The following SMOC2 variants were observed in gnomAD, a reference collection of about 807,000 sequenced individuals.
SMOC2 encodes SPARC-related modular calcium-binding protein 2.
In SMOC2, 39 loss-of-function variants were observed where a neutral mutation model predicts 61.4. The ratio of observed to expected loss-of-function variants is 0.64; its 90% CI spans 0.49 to 0.83. SMOC2 has a LOEUF of 0.83. Among genes scored for constraint, SMOC2 ranks in the 40% least tolerant of loss-of-function variants. SMOC2 has a pLI of 0.00. For synonymous variants in SMOC2, 247 were observed against 239.9 expected, an observed-to-expected ratio of 1.03 and a Z score of -0.27; for missense variants, 556 against 592.9, an observed-to-expected ratio of 0.94 and a Z score of 0.65.
chr6:168,559,626 T>C (rs879903493), intron 7 of SMOC2, among the ~76,000 whole-genome samples: 50 of 152,280 alleles, frequency 3.3e-4, no homozygotes, highest in Non-Finnish European at 6.3e-4. Context: ...ATGACTCATG[T>C]AGTTGCACTA....
At chr6:168,616,130 T>TTC (rs1458132950) in intron 9 of SMOC2, among the ~76,000 whole-genome samples, 1 of 152,184 alleles carries the variant, frequency 6.6e-6, no homozygotes, top group Non-Finnish European at 1.5e-5. Flanking sequence ...GGTGTCAATA[T>TTC]TCTGCCCACT....
At chr6:168,469,306 C>T (rs956007543) in intron 1 of SMOC2, among the ~76,000 whole-genome samples, 4 of 152,214 alleles carry the variant, frequency 2.6e-5, no homozygotes, top group African/African-American at 9.6e-5. Flanking sequence ...CCTGGAGGGT[C>T]TCAGATTCTT....
rs73242440 is a variant in SMOC2, at chr6:168,620,374, A to G, written c.907+12135A>G. On this transcript the variant is annotated intron_variant, in intron 9 of 12. Coordinates refer to ENST00000356284, the MANE Select transcript of SMOC2 (RefSeq NM_001166412.2). ...CCTGTTGCATAGGTGGTGCTTGCCA[A>G]TGTTCTGGGAGATGCAAGTCAATAG... Among the ~76,000 whole-genome samples the G allele has an allele frequency of 2.2e-3, 335 of 152,158 alleles. 1 individual carries two copies. The highest frequency in any genetic ancestry group is 7.4e-3 in the African/African-American group (305 of 41,454).
chr6:168,618,617 C>A (rs118064153), intron 9 of SMOC2, among the ~76,000 whole-genome samples: 3,678 of 151,970 alleles, frequency 0.024, 285 homozygotes, highest in Admixed American at 0.16. Flanking sequence ...CAGGTAGTGG[C>A]ATTAAGAGGC....
chr6:168,610,859 T>C (rs6926392), intron 9 of SMOC2, among the ~76,000 whole-genome samples: 110,302 of 152,094 alleles, frequency 0.73, 40,099 homozygotes, highest in Admixed American at 0.79. Context: ...TCTTTCATTG[T>C]GTAGGTTTCC....
intron 4 of SMOC2, among the ~76,000 whole-genome samples, chr6:168,537,007 G>T (rs1783747076): frequency 6.6e-6 from 1 of 152,230 alleles, no homozygotes; most frequent in South Asian, 2.1e-4. Context: ...GAAAATGAAG[G>T]TGGCAGCTCT....
chr6:168,462,955 A>G (rs191491173), intron 1 of SMOC2, among the ~76,000 whole-genome samples: 1 of 152,312 alleles, frequency 6.6e-6, no homozygotes, highest in Non-Finnish European at 1.5e-5. Flanking sequence ...AATGACCTCT[A>G]TAAATGTTGG....
At chr6:168,488,228 T>G (rs1782381357) in intron 1 of SMOC2, among the ~76,000 whole-genome samples, 2 of 152,242 alleles carry the variant, frequency 1.3e-5, no homozygotes, top group African/African-American at 4.8e-5. Context: ...CCGGCACTCC[T>G]TGGCATTCCT....
At chr6:168,549,625 G>T (rs1784085024) in intron 7 of SMOC2, among the ~76,000 whole-genome samples, 1 of 152,154 alleles carries the variant, frequency 6.6e-6, no homozygotes, top group African/African-American at 2.4e-5. Flanking sequence ...GGCTGGCCTT[G>T]CTGTGACAGA....
At chr6:168,495,369 G>A (rs1562555327) in intron 1 of SMOC2, among the ~76,000 whole-genome samples, 1 of 152,242 alleles carries the variant, frequency 6.6e-6, no homozygotes, top group Non-Finnish European at 1.5e-5. Flanking sequence ...CAGCCAGGGT[G>A]ACCTTGTCCG....
At chr6:168,480,681 A>C (rs1039376310) in intron 1 of SMOC2, among the ~76,000 whole-genome samples, 4 of 152,170 alleles carry the variant, frequency 2.6e-5, no homozygotes, top group African/African-American at 9.7e-5. Context: ...AGTAGAAGTG[A>C]AAGAGTAAGA....
chr6:168,603,282 T>G (rs1206297238), intron 8 of SMOC2, among the ~76,000 whole-genome samples: 1 of 130,866 alleles, frequency 7.6e-6, no homozygotes, highest in Non-Finnish European at 1.6e-5. Context: ...TTACCGAGTC[T>G]CAGGTATTTC....
intron 7 of SMOC2, among the ~76,000 whole-genome samples, chr6:168,580,377 C>A (rs1026082118): frequency 2.2e-4 from 34 of 152,164 alleles, no homozygotes; most frequent in African/African-American, 7.2e-4. Flanking sequence ...GGTCCTCAGA[C>A]GCCGAGGCTG....
At chr6:168,629,260 G>C (rs1307427000) in intron 9 of SMOC2, among the ~76,000 whole-genome samples, 1 of 152,232 alleles carries the variant, frequency 6.6e-6, no homozygotes, top group Non-Finnish European at 1.5e-5. Flanking sequence ...CAGGGTCTCC[G>C]ACAGGTCCTC....
chr6:168,547,470 G>A (rs938442580), intron 6 of SMOC2, among the ~76,000 whole-genome samples: 1 of 152,090 alleles, frequency 6.6e-6, no homozygotes, highest in African/African-American at 2.4e-5. Flanking sequence ...CTGCAGTTAC[G>A]TGGGATGGAC....
chr6:168,600,433 A>C lies in SMOC2; in HGVS notation c.824+1429A>C, dbSNP rs1017391249. ...AAAAAAAAAAAAAACAAAAAAAAAA[A>C]CAAAAAAAAAAACAGTAGTTTCAAC... is the stretch of plus-strand genomic sequence containing the variant. On this transcript the variant is annotated intron_variant, in intron 8 of 12. Transcript: ENST00000356284. Among the ~76,000 whole-genome samples the C allele has an allele frequency of 1.6e-4, 8 of 48,882 alleles. 2 individuals are homozygous for C. The highest frequency in any genetic ancestry group is 6.4e-4 in the Admixed American group (3 of 4,704). 32.1% of individuals were successfully genotyped at this position (48,882 alleles called of 152,430 possible).
Position 168,539,890 on chromosome 6 carries a change from C to T in SMOC2, c.464-3735C>T, listed in dbSNP as rs117008028. ...AAAAAGCAGGCCCTGGATCCTGGCT[C>T]TGCCGCTTCCTAAGTGGCCCTGGGC... On this transcript the variant is annotated intron_variant, in intron 4 of 12. Coordinates refer to ENST00000356284, the MANE Select transcript of SMOC2 (RefSeq NM_001166412.2). Among the ~76,000 whole-genome samples, 533 of 152,324 alleles carry T rather than the reference C, an allele frequency of 3.5e-3. 1 individual carries two copies. The highest frequency in any genetic ancestry group is 6.1e-3 in the Non-Finnish European group (415 of 68,024).
At chr6:168,567,362 C>G (rs1361852173) in intron 7 of SMOC2, among the ~76,000 whole-genome samples, 1 of 152,028 alleles carries the variant, frequency 6.6e-6, no homozygotes, top group African/African-American at 2.4e-5. Flanking sequence ...TATGTTACAA[C>G]CAAAATGTAT....
intron 11 of SMOC2, among the ~76,000 whole-genome samples, chr6:168,659,074 T>TGAG: frequency 6.6e-6 from 1 of 150,548 alleles, no homozygotes; most frequent in East Asian, 2.0e-4. Flanking sequence ...GTGTGAGTGG[T>TGAG]GTGTATGTAT....
Sources: gnomAD v4.1 joint callset for allele counts (sites outside exome capture counted in the v4.1 genomes callset) on GRCh38, gnomAD v4.1.1 for gene constraint, MANE v1.5 for transcripts, NCBI Gene and HGNC (gene_info 2026-07-23, HGNC 2026-07-21) for gene names.